SPIDR: variants seen among roughly 807,000 people sequenced by gnomAD.
SPIDR encodes scaffold protein involved in DNA repair.
Under a neutral mutation model 104.6 loss-of-function variants are expected in SPIDR, and 93 were observed. That is an observed-to-expected ratio of 0.89 (90% CI 0.75 to 1.06). SPIDR has a LOEUF of 1.06. Ranked by LOEUF, SPIDR falls within the 50% of genes least tolerant of loss-of-function variation. The probability of loss-of-function intolerance (pLI) is 0.00; values close to 1 mark genes in which losing one functional copy is unlikely to be tolerated. For synonymous variants in SPIDR, 431 were observed against 416.9 expected, an observed-to-expected ratio of 1.03 and a Z score of -0.41; for missense variants, 1,154 against 1,111.2, an observed-to-expected ratio of 1.04 and a Z score of -0.55.
intron 11 of SPIDR, among the ~76,000 whole-genome samples, chr8:47,700,197 G>T (rs2079958708): frequency 6.6e-6 from 1 of 152,152 alleles, no homozygotes; most frequent in Non-Finnish European, 1.5e-5. Flanking sequence ...CTAATTTAGT[G>T]AGCAAGTTCC....
chr8:47,270,619 T>G (rs2035111087), intron 1 of SPIDR, among the ~76,000 whole-genome samples: 1 of 152,120 alleles, frequency 6.6e-6, no homozygotes, highest in South Asian at 2.1e-4. Flanking sequence ...TTTGTTGTTT[T>G]TCTATTCTCT....
chr8:47,548,465 T>C (rs1045189907), intron 8 of SPIDR, among the ~76,000 whole-genome samples: 5 of 152,194 alleles, frequency 3.3e-5, no homozygotes, highest in Non-Finnish European at 5.9e-5. Context: ...CTGGCCAACA[T>C]GGTGAAACCC....
chr8:47,310,179 A>G (rs1311319371), intron 5 of SPIDR, among the ~76,000 whole-genome samples: 1 of 150,602 alleles, frequency 6.6e-6, no homozygotes, highest in Non-Finnish European at 1.5e-5. Flanking sequence ...CTAAAAATAC[A>G]AAAAATTAGC....
intron 10 of SPIDR, among the ~76,000 whole-genome samples, chr8:47,601,220 A>G (rs570564737): frequency 2.0e-5 from 3 of 152,334 alleles, no homozygotes; most frequent in African/African-American, 7.2e-5. Flanking sequence ...ATTCTGTGTG[A>G]TGCATTTTCT....
intron 1 of SPIDR, 137 bp from the exon 2 acceptor site, chr8:47,279,725 T>C (rs917981527): frequency 7.5e-6 from 6 of 803,122 alleles, no homozygotes; most frequent in African/African-American, 5.2e-5. Flanking sequence ...TGTGAAGATT[T>C]AGAGACATTC....
At chr8:47,545,072 T>TTTC (rs1484323583) in intron 8 of SPIDR, among the ~76,000 whole-genome samples, 1 of 10,860 alleles carries the variant, frequency 9.2e-5, no homozygotes, top group African/African-American at 3.8e-4. Flanking sequence ...CTTTTTATCT[T>TTTC]TTCTTTCTTT....
intron 8 of SPIDR, among the ~76,000 whole-genome samples, chr8:47,513,740 T>G (rs905225058): frequency 6.6e-6 from 1 of 152,210 alleles, no homozygotes; most frequent in Non-Finnish European, 1.5e-5. Context: ...AATGTTTCAT[T>G]TTATTTTTAG....
Position 47,736,247 on chromosome 8 carries a change from T to TA in SPIDR, c.*798dup, listed in dbSNP as rs1313408777. 1 of 152,324 alleles carries TA rather than the reference T, an allele frequency of 6.6e-6. No individual in the cohort carries two copies. Among genetic ancestry groups the TA allele is most frequent in the Non-Finnish European group, 1.5e-5 (1 of 68,118 alleles). The allele number at this position is 152,324 out of a possible 1,614,324, so 9.4% of individuals were successfully genotyped here. The stretch of plus-strand genomic sequence containing the variant: ...ACAGGCCATGGTTAACTACATCAGA[T>TA]ACACGTAGCAGCCGTGACCAAGACA... On this transcript the variant is annotated 3_prime_UTR_variant, in exon 20 of 20. Transcript: ENST00000297423.
chr8:47,699,948 ACT>A (rs2079906564), intron 11 of SPIDR, among the ~76,000 whole-genome samples: 1 of 152,018 alleles, frequency 6.6e-6, no homozygotes, highest in African/African-American at 2.4e-5. Context: ...TCACCTCCAA[ACT>A]CTACTCAGAT....
chr8:47,604,533 G>A (rs2062707392), intron 10 of SPIDR, among the ~76,000 whole-genome samples: 1 of 152,236 alleles, frequency 6.6e-6, no homozygotes, highest in South Asian at 2.1e-4. Flanking sequence ...TACTGCCGTA[G>A]TCCAGGTCAG....
At chr8:47,541,702 G>T (rs934769708) in intron 8 of SPIDR, among the ~76,000 whole-genome samples, 2 of 152,184 alleles carry the variant, frequency 1.3e-5, no homozygotes, top group African/African-American at 4.8e-5. Flanking sequence ...TTCAAGACCA[G>T]CCTAGCCAAC....
At chr8:47,706,899 C>T (rs1409688572) in intron 14 of SPIDR, among the ~76,000 whole-genome samples, 3 of 152,034 alleles carry the variant, frequency 2.0e-5, no homozygotes, top group Non-Finnish European at 4.4e-5. Flanking sequence ...AGGAGGATCA[C>T]TTGAGGCCAG....
chr8:47,709,392 T>A (rs1375075778), intron 14 of SPIDR, among the ~76,000 whole-genome samples: 1 of 152,066 alleles, frequency 6.6e-6, no homozygotes, highest in African/African-American at 2.4e-5. Flanking sequence ...CACCCGCCTC[T>A]GCCTCCCAAA....
At chr8:47,471,468 C>T (rs782189259) in intron 8 of SPIDR, among the ~76,000 whole-genome samples, 6 of 151,936 alleles carry the variant, frequency 3.9e-5, no homozygotes, top group East Asian at 1.9e-4. Flanking sequence ...AAATCAAAGC[C>T]GCAATGAAAT....
At chr8:47,554,353 G>C (rs1158827057) in intron 8 of SPIDR, among the ~76,000 whole-genome samples, 1 of 152,236 alleles carries the variant, frequency 6.6e-6, no homozygotes, top group Non-Finnish European at 1.5e-5. Flanking sequence ...CCCAGAGGTG[G>C]AATCTGCATA....
In SPIDR at chr8:47,592,391, T is replaced by A. The variant is rs564293010; in HGVS notation, c.1098-3420T>A. ...ACATTAGGATGATAAATTTTGGTCATGAAACATACTGTAGGGGCTGCCATT... is the reference window on the plus strand; with the variant it reads ...ACATTAGGATGATAAATTTTGGTCAAGAAACATACTGTAGGGGCTGCCATT... On this transcript the variant is annotated intron_variant, in intron 8 of 19. Coordinates refer to ENST00000297423, the MANE Select transcript of SPIDR (RefSeq NM_001080394.4). The A allele has an allele frequency of 2.2e-6, 3 of 1,386,378 alleles. No homozygotes were observed. The African/African-American group carries it at 4.3e-5, about 20-fold the overall frequency. 85.9% of individuals were successfully genotyped at this position (1,386,378 alleles called of 1,614,324 possible). A position where few individuals can be genotyped will look rare whatever the true frequency, so the allele number is the denominator to read the frequency against.
chr8:47,354,140 T>C (rs1327185456), intron 5 of SPIDR, among the ~76,000 whole-genome samples: 1 of 152,196 alleles, frequency 6.6e-6, no homozygotes, highest in Non-Finnish European at 1.5e-5. Flanking sequence ...AAGGTATTAT[T>C]TTATATCTTT....
At chr8:47,680,053 G>GA (rs1589128388) in intron 11 of SPIDR, among the ~76,000 whole-genome samples, 1 of 151,986 alleles carries the variant, frequency 6.6e-6, no homozygotes, top group East Asian at 1.9e-4. Flanking sequence ...GCAGGTGACA[G>GA]AGTCTGTGTG....
At chr8:47,338,007 G>T (rs1269133443) in intron 5 of SPIDR, among the ~76,000 whole-genome samples, 1 of 152,098 alleles carries the variant, frequency 6.6e-6, no homozygotes, top group Non-Finnish European at 1.5e-5. Context: ...TTTAAAATTG[G>T]AAAGTGAGAG....
Sources: gnomAD v4.1 joint callset for allele counts (sites outside exome capture counted in the v4.1 genomes callset) on GRCh38, gnomAD v4.1.1 for gene constraint, MANE v1.5 for transcripts, NCBI Gene and HGNC (gene_info 2026-07-23, HGNC 2026-07-21) for gene names.